Variants in ZNF695 observed in about 807,000 individuals in gnomAD.
ZNF695 encodes zinc finger protein SBZF3.
ZNF695 carries 11 observed loss-of-function variants against 11.2 expected under a neutral mutation model. The observed-to-expected ratio is 0.98, with a 90% CI of 0.62 to 1.62. The LOEUF (loss-of-function observed/expected upper bound fraction) is 1.62. ZNF695 is among the 40% of genes most tolerant of loss of function. The pLI, the probability that ZNF695 is intolerant of heterozygous loss-of-function variation, is 0.00. For synonymous variants in ZNF695, 190 were observed against 201.4 expected (o/e 0.94, Z 0.48); for missense variants, 559 against 590.5 (o/e 0.95, Z 0.55).
downstream of ZNF695, chr1:246,985,243 G>C: frequency 1.0e-6 from 1 of 963,210 alleles, no homozygotes; most frequent in Non-Finnish European, 1.2e-6. Context: ...ATGTTTTGCA[G>C]GCCAGAAAAG....
At chr1:246,948,410 G>A (rs1667791512) in intron 5 of ZNF695, among the ~76,000 whole-genome samples, 1 of 152,106 alleles carries the variant, frequency 6.6e-6, no homozygotes, top group African/African-American at 2.4e-5. Flanking sequence ...CACTCCAAGT[G>A]TGGATCCCAA....
At position 246,986,615 on chromosome 1, in the gene ZNF695, T is replaced by C; in HGVS notation, c.*352A>G. On this transcript the variant is annotated 3_prime_UTR_variant, in exon 4 of 4. Transcript: ENST00000339986. ...TTAGTGTGAACACTCTGGTGTTTTC[T>C]GAGGTATATTTTTTGAACAAATGTT... 1 of 1,023,894 alleles carries C rather than the reference T, an allele frequency of 9.8e-7. No homozygotes were observed. The highest frequency in any genetic ancestry group is 1.2e-6 in the Non-Finnish European group (1 of 855,038). The allele number at this position is 1,023,894 out of a possible 1,614,324, so 63.4% of individuals were successfully genotyped here. A position where few individuals can be genotyped will look rare whatever the true frequency, so the allele number is the denominator to read the frequency against.
At chr1:246,998,704 A>C (rs1572534038) in intron 3 of ZNF695, among the ~76,000 whole-genome samples, 1 of 152,332 alleles carries the variant, frequency 6.6e-6, no homozygotes, top group East Asian at 1.9e-4. Flanking sequence ...GCGGTGGCTC[A>C]CGCCTGTAAT....
In ZNF695 at chr1:247,008,030, G is replaced by C. The variant is rs562459963; in HGVS notation, c.-122C>G. On this transcript the variant is annotated 5_prime_UTR_variant, in exon 1 of 4. Transcript: ENST00000339986. Reference sequence around the variant, plus strand: ...CCGAGAGGCAGCAGACGGGAACCCAGCACCCCGCCGGCCGCAAGGAGACAA... The same window carrying C: ...CCGAGAGGCAGCAGACGGGAACCCACCACCCCGCCGGCCGCAAGGAGACAA... The C allele has an allele frequency of 2.0e-5, 23 of 1,161,682 alleles. No homozygotes were observed. In the South Asian group the frequency reaches 5.0e-4, roughly 25 times the overall value. 72.0% of individuals were successfully genotyped at this position (1,161,682 alleles called of 1,614,324 possible). A position where few individuals can be genotyped will look rare whatever the true frequency, so the allele number is the denominator to read the frequency against.
Position 246,987,474 on chromosome 1 carries a change from A to C in ZNF695, c.1041T>G (p.Thr347=). Residue 347 remains threonine, a synonymous_variant, in exon 4 of 4, where the codon ACT becomes ACG. Transcript: ENST00000339986. ...CTTCACATCGGAAGGTTTTCTCTCCAGTATGAATTCTTCTATGTTGAGTAA... is the reference window on the plus strand; with the variant it reads ...CTTCACATCGGAAGGTTTTCTCTCCCGTATGAATTCTTCTATGTTGAGTAA... The part of the protein sequence containing the change: ...SYLTQHRRIH[T]GEKTFRCEEC... 1 of 1,611,344 alleles carries C rather than the reference A, an allele frequency of 6.2e-7. No individual in the cohort carries two copies. The highest frequency in any genetic ancestry group is 8.5e-7 in the Non-Finnish European group (1 of 1,178,572).
chr1:246,988,616 C>T (rs908360592), intron 3 of ZNF695, among the ~76,000 whole-genome samples: 6 of 152,050 alleles, frequency 3.9e-5, no homozygotes, highest in African/African-American at 1.4e-4. Flanking sequence ...ATCCTTCAAA[C>T]ATAAAGAGAA....
chr1:246,957,577 T>G (rs1406658517), intron 5 of ZNF695, among the ~76,000 whole-genome samples: 1 of 152,196 alleles, frequency 6.6e-6, no homozygotes, highest in South Asian at 2.1e-4. Flanking sequence ...ATTTTAAAAT[T>G]CAAATTATGT....
chr1:246,983,731 T>G (rs1441390835), downstream of ZNF695, among the ~76,000 whole-genome samples: 1 of 152,078 alleles, frequency 6.6e-6, no homozygotes, highest in Non-Finnish European at 1.5e-5. Flanking sequence ...GGCAAGAGAC[T>G]TGATTGAACC....
At chr1:246,948,365 C>T (rs188582042) in intron 5 of ZNF695, among the ~76,000 whole-genome samples, 14 of 152,262 alleles carry the variant, frequency 9.2e-5, no homozygotes, top group Non-Finnish European at 1.8e-4. Context: ...TGAGCCACCA[C>T]GCCTGGCTGT....
chr1:246,964,071 T>C (rs1280298787), intron 5 of ZNF695, among the ~76,000 whole-genome samples: 1 of 152,136 alleles, frequency 6.6e-6, no homozygotes, highest in African/African-American at 2.4e-5. Flanking sequence ...ATGGGAGAGA[T>C]GCATTGGGCC....
At chr1:246,955,828 A>G (rs1431253359) in intron 5 of ZNF695, among the ~76,000 whole-genome samples, 1 of 152,168 alleles carries the variant, frequency 6.6e-6, no homozygotes, top group African/African-American at 2.4e-5. Flanking sequence ...AGTGAGTCCC[A>G]GCTGAAGAAA....
At chr1:246,976,710 C>A (rs562831974) in intron 4 of ZNF695, among the ~76,000 whole-genome samples, 4 of 152,020 alleles carry the variant, frequency 2.6e-5, no homozygotes, top group African/African-American at 9.7e-5. Context: ...AGAAGAATGG[C>A]ATGAACCCGG....
chr1:246,958,469 T>C (rs1668065388), intron 5 of ZNF695, among the ~76,000 whole-genome samples: 1 of 152,126 alleles, frequency 6.6e-6, no homozygotes, highest in Admixed American at 6.6e-5. Flanking sequence ...TTTTTCCTTC[T>C]CTCTTGGGAT....
At position 247,000,233 on chromosome 1, in the gene ZNF695, G is replaced by A. The variant is rs530360036; in HGVS notation, c.4-159C>T. ...CACAGAAATATACTCTAGGCCGGGC[G>A]CGGCGGCTCACACCTGTAATCCCAA... On this transcript the variant is annotated intron_variant, in intron 1 of 3. Coordinates refer to ENST00000339986, the MANE Select transcript of ZNF695 (RefSeq NM_020394.5). Among the ~76,000 whole-genome samples, 10 of 152,334 alleles carry A rather than the reference G, an allele frequency of 6.6e-5. No homozygotes were observed. In the South Asian group the frequency reaches 1.9e-3, roughly 28 times the overall value.
chr1:246,980,999 T>C (rs1668695043), downstream of ZNF695, among the ~76,000 whole-genome samples: 2 of 152,186 alleles, frequency 1.3e-5, no homozygotes, highest in African/African-American at 4.8e-5. Flanking sequence ...ATATTCAAAT[T>C]ATATGTCGGA....
At chr1:246,958,571 C>T (rs1471435763) in intron 5 of ZNF695, among the ~76,000 whole-genome samples, 1 of 152,086 alleles carries the variant, frequency 6.6e-6, no homozygotes, top group Non-Finnish European at 1.5e-5. Flanking sequence ...CTCAGCTAGT[C>T]CCCAGCCATG....
At chr1:247,004,197 C>T (rs142143641) in intron 1 of ZNF695, among the ~76,000 whole-genome samples, 1,937 of 152,092 alleles carry the variant, frequency 0.013, 35 homozygotes, top group African/African-American at 0.045. Context: ...GGCGAGAGAG[C>T]GAGACTCCAT....
At chr1:247,005,549 A>G (rs1480555861) in intron 1 of ZNF695, among the ~76,000 whole-genome samples, 1 of 152,028 alleles carries the variant, frequency 6.6e-6, no homozygotes, top group African/African-American at 2.4e-5. Flanking sequence ...CCCTGTCTCT[A>G]TTAAAATACA....
Position 247,000,192 on chromosome 1 carries a change from A to G in ZNF695, c.4-118T>C, listed in dbSNP as rs562470698. 1.4e-5 allele frequency: 12 copies of G among 864,466 alleles called. No homozygotes were observed. In the African/African-American group the frequency reaches 1.9e-4, roughly 14 times the overall value. 53.5% of individuals were successfully genotyped at this position (864,466 alleles called of 1,614,324 possible). A position where few individuals can be genotyped will look rare whatever the true frequency, so the allele number is the denominator to read the frequency against. ...TTATATGAGTGACTAGAATTATCAA[A>G]TAAGATAATTTTTAACACAGAAATA... On this transcript the variant is annotated intron_variant, in intron 1 of 3. Transcript: ENST00000339986.
Sources: gnomAD v4.1 joint callset for allele counts (sites outside exome capture counted in the v4.1 genomes callset) on GRCh38, gnomAD v4.1.1 for gene constraint, MANE v1.5 for transcripts, NCBI Gene and HGNC (gene_info 2026-07-23, HGNC 2026-07-21) for gene names.